The following HTR3B variants were observed in gnomAD, a reference collection of about 807,000 sequenced individuals.
The protein encoded by HTR3B is 5-hydroxytryptamine (serotonin) receptor 3B, ionotropic.
Under a neutral mutation model 42.8 loss-of-function variants are expected in HTR3B, and 44 were observed. The ratio of observed to expected loss-of-function variants is 1.03; its 90% CI spans 0.81 to 1.32. The LOEUF is 1.32. Ranked by LOEUF, HTR3B falls within the 40% of genes most tolerant of loss-of-function variation. The pLI, the probability that HTR3B is intolerant of heterozygous loss-of-function variation, is 0.00. For missense variants in HTR3B, 527 were observed against 536.5 expected (o/e 0.98, Z 0.17); for synonymous variants, 203 against 209.0 (o/e 0.97, Z 0.25).
At chr11:113,931,176 A>G (rs1950031089) in intron 2 of HTR3B, among the ~76,000 whole-genome samples, 1 of 152,184 alleles carries the variant, frequency 6.6e-6, no homozygotes, top group South Asian at 2.1e-4. Flanking sequence ...GTTTTGTCAT[A>G]GATAATATAG....
chr11:113,947,228 C>G lies in HTR3B; in HGVS notation c.*1091C>G, dbSNP rs189449147. Among the ~76,000 whole-genome samples the G allele has an allele frequency of 6.6e-6, 1 of 152,036 alleles. No homozygotes were observed. Among genetic ancestry groups the G allele is most frequent in the East Asian group, 1.9e-4 (1 of 5,194 alleles). On this transcript the variant is annotated 3_prime_UTR_variant, in exon 9 of 9. Transcript: ENST00000260191. Reference sequence around the variant, plus strand: ...AAGCAATTCCCCTGCCTCAGCCTCCCGAGTAGCTGGAACTACAGGTGCATG... The same window carrying G: ...AAGCAATTCCCCTGCCTCAGCCTCCGGAGTAGCTGGAACTACAGGTGCATG...
At chr11:113,903,428 C>CTTTTTTTTTT (rs57289369), upstream of HTR3B, among the ~76,000 whole-genome samples, 29 of 121,078 alleles carry the variant, frequency 2.4e-4, no homozygotes, top group Non-Finnish European at 3.7e-4. Context: ...CTTTTCTTTT[C>CTTTTTTTTTT]TTTTTTTTTT....
chr11:113,901,891 C>T (rs1006171699), upstream of HTR3B, among the ~76,000 whole-genome samples: 3 of 152,302 alleles, frequency 2.0e-5, no homozygotes, highest in African/African-American at 7.2e-5. Flanking sequence ...TAAAGGGATG[C>T]TTCTGCATTG....
chr11:113,932,382 G>A lies in HTR3B; in HGVS notation c.462G>A (p.Ala154=), dbSNP rs2276305. The A allele has an allele frequency of 0.03, 48,647 of 1,613,556 alleles. 3,860 individuals are homozygous for A. Among genetic ancestry groups the A allele is most frequent in the East Asian group, 0.24 (10,719 of 44,864 alleles). ...ATAAGCCCATCCAGGTGGTCTCTGC[G>A]TGCAGTTTAGAGACATATGCTTTTC... ...ENYKPIQVVS[A]CSLETYAFPF... is the part of the protein sequence containing the mutation. The change falls in exon 5 of 9, where the codon GCG becomes GCA. Residue 154 remains alanine (A), a synonymous_variant. Transcript: ENST00000260191.
chr11:113,935,042 GCACA>G (rs139606463), intron 6 of HTR3B, among the ~76,000 whole-genome samples: 11 of 150,378 alleles, frequency 7.3e-5, no homozygotes, highest in Non-Finnish European at 1.5e-4. Flanking sequence ...GCACACATGT[GCACA>G]CACACACACA....
At chr11:113,899,775 A>T in the HTR3B span, among the ~76,000 whole-genome samples, 5 of 152,228 alleles carry the variant, frequency 3.3e-5, no homozygotes, top group Admixed American at 3.3e-4. Flanking sequence ...TCGATCTAAT[A>T]GGTGCCATAT....
At chr11:113,913,805 C>T (rs527666808) in intron 2 of HTR3B, among the ~76,000 whole-genome samples, 36 of 152,276 alleles carry the variant, frequency 2.4e-4, no homozygotes, top group Admixed American at 1.8e-3. Context: ...TGAGCCACCA[C>T]GCCCGGCCTC....
rs527524649 is a variant in HTR3B at position 113,934,680 on chromosome 11, GCT to G, written c.696+1588_696+1589del. Among the ~76,000 whole-genome samples, 197 of 151,722 alleles carry G rather than the reference GCT, an allele frequency of 1.3e-3. 2 individuals carry two copies. Among genetic ancestry groups the G allele is most frequent in the African/African-American group, 4.2e-3 (175 of 41,354 alleles). On this transcript the variant is annotated intron_variant, in intron 6 of 8. Coordinates refer to ENST00000260191, the MANE Select transcript of HTR3B (RefSeq NM_006028.5). ...GCTTTGGGCTCTTGCCTAGAATCCT[GCT>G]TGGTTTTAAGCAAAGCTTGCATTGT...
chr11:113,932,242 G>T, intron 4 of HTR3B, 47 bp from the exon 5 acceptor site: 1 of 1,507,882 alleles, frequency 6.6e-7, no homozygotes, highest in South Asian at 1.2e-5. Flanking sequence ...GTTTTGAAAT[G>T]ACCAACATCC....
At chr11:113,936,753 G>A (rs1950095319) in intron 6 of HTR3B, among the ~76,000 whole-genome samples, 1 of 152,180 alleles carries the variant, frequency 6.6e-6, no homozygotes, top group Non-Finnish European at 1.5e-5. Context: ...GCTTTGGAGA[G>A]GAGGCAAATG....
chr11:113,921,014 C>A (rs944971595), intron 2 of HTR3B, among the ~76,000 whole-genome samples: 1 of 150,188 alleles, frequency 6.7e-6, no homozygotes, highest in African/African-American at 2.4e-5. Flanking sequence ...GGTTTCACCA[C>A]ATTGGCCAGG....
rs1206397662 is a variant in HTR3B at position 113,945,903 on chromosome 11, G to T, written c.1092G>T (p.Glu364Asp). 6.2e-7 allele frequency: 1 copy of T among 1,612,924 alleles called. No homozygotes were observed. The highest frequency in any genetic ancestry group is 1.7e-5 in the Admixed American group (1 of 60,028). Reference sequence around the variant, plus strand: ...AGGGTGTTTTCCTCCATCACACAGAGTCCTCGCTGTATGGAGAGCACCTGG... The same window carrying T: ...AGGGTGTTTTCCTCCATCACACAGATTCCTCGCTGTATGGAGAGCACCTGG... ...EPRAQRAVVTESSLYGEHLAQ... is the reference protein window; with the variant it reads ...EPRAQRAVVTDSSLYGEHLAQ... Residue 364 changes from glutamate to aspartate, a missense_variant and splice_region_variant, in exon 9 of 9, where the codon GAG becomes GAT. Transcript: ENST00000260191.
At chr11:113,937,780 C>T (rs555591108) in intron 6 of HTR3B, among the ~76,000 whole-genome samples, 2 of 152,222 alleles carry the variant, frequency 1.3e-5, no homozygotes, top group South Asian at 4.1e-4. Context: ...GCCATTTGCC[C>T]ACTGGGCATT....
chr11:113,935,477 G>A (rs895294448), intron 6 of HTR3B, among the ~76,000 whole-genome samples: 1 of 126,954 alleles, frequency 7.9e-6, no homozygotes, highest in Non-Finnish European at 1.9e-5. Flanking sequence ...GGTGGGACAG[G>A]AGGCCAGACT....
At chr11:113,941,310 C>T (rs1023163597) in intron 6 of HTR3B, among the ~76,000 whole-genome samples, 17 of 152,196 alleles carry the variant, frequency 1.1e-4, no homozygotes, top group Admixed American at 1.1e-3. Flanking sequence ...TCTAACTACC[C>T]CAGAGATGGG....
At chr11:113,922,289 G>A (rs1220311795) in intron 2 of HTR3B, among the ~76,000 whole-genome samples, 1 of 151,672 alleles carries the variant, frequency 6.6e-6, no homozygotes, top group Non-Finnish European at 1.5e-5. Flanking sequence ...ATCCAGGCTG[G>A]AGTACAGTGG....
Position 113,910,761 on chromosome 11 carries a change from T to C in HTR3B, c.213+1306T>C, listed in dbSNP as rs535848955. On this transcript the variant is annotated intron_variant, in intron 2 of 8. Coordinates refer to ENST00000260191, the MANE Select transcript of HTR3B (RefSeq NM_006028.5). ...GGCAATTTCTCTTAAAAACAGACTT[T>C]ACTGAGCTCGTTTTGTTAAAGTAAT... Among the ~76,000 whole-genome samples the C allele has an allele frequency of 2.7e-5, 4 of 150,822 alleles. No homozygotes were observed. In the South Asian group the frequency reaches 8.4e-4, roughly 32 times the overall value.
chr11:113,943,681 A>G (rs1217194713), intron 7 of HTR3B, among the ~76,000 whole-genome samples: 2 of 151,908 alleles, frequency 1.3e-5, no homozygotes, highest in East Asian at 3.9e-4. Flanking sequence ...ACCCAAAGTG[A>G]CTGAGCCATT....
At chr11:113,945,848 A>G in intron 8 of HTR3B, 54 bp from the exon 9 acceptor site, 1 of 1,250,734 alleles carries the variant, frequency 8.0e-7, no homozygotes, top group Non-Finnish European at 1.2e-6. Flanking sequence ...GAGAAAGTCC[A>G]GGTGGGTCTT....
Sources: gnomAD v4.1 joint callset for allele counts (sites outside exome capture counted in the v4.1 genomes callset) on GRCh38, gnomAD v4.1.1 for gene constraint, MANE v1.5 for transcripts, NCBI Gene and HGNC (gene_info 2026-07-23, HGNC 2026-07-21) for gene names.